Variants in VCL observed in about 807,000 individuals in gnomAD.
VCL encodes vinculin.
A neutral mutation model predicts 125.7 loss-of-function variants in VCL; 47 were observed. The ratio of observed to expected loss-of-function variants is 0.37; its 90% CI spans 0.30 to 0.48. VCL has a LOEUF of 0.48. Among genes scored for constraint, VCL ranks in the 20% least tolerant of loss-of-function variants. VCL has a pLI of 0.99. For synonymous variants in VCL, 458 were observed against 514.6 expected (o/e 0.89, Z 1.49); for missense variants, 1,069 against 1,455.5 (o/e 0.73, Z 4.32).
intron 1 of VCL, among the ~76,000 whole-genome samples, chr10:74,017,237 CG>C (rs1376548490): frequency 6.6e-6 from 1 of 150,832 alleles, no homozygotes; most frequent in Non-Finnish European, 1.5e-5. Context: ...TTAGTAGAGA[CG>C]GGGTTTCACC....
intron 1 of VCL, among the ~76,000 whole-genome samples, chr10:74,041,049 A>G (rs146343153): frequency 3.3e-5 from 5 of 152,180 alleles, no homozygotes; most frequent in South Asian, 2.1e-4. Context: ...AGGTCTCACT[A>G]TGTTGCCCAG....
At chr10:74,062,531 C>T (rs910445216) in intron 2 of VCL, among the ~76,000 whole-genome samples, 4 of 151,972 alleles carry the variant, frequency 2.6e-5, no homozygotes, top group Admixed American at 6.6e-5. Flanking sequence ...ATGTGGAGTA[C>T]AGTTATGACC....
intron 6 of VCL, chr10:74,077,647 A>G: frequency 2.3e-6 from 1 of 443,060 alleles, no homozygotes. Context: ...GCCCCTACCA[A>G]TAAATAATTA....
intron 19 of VCL, among the ~76,000 whole-genome samples, chr10:74,113,805 G>A (rs1412629518): frequency 6.6e-6 from 1 of 152,144 alleles, no homozygotes; most frequent in African/African-American, 2.4e-5. Flanking sequence ...CCTGTCCCCA[G>A]TTTATTGATA....
intron 15 of VCL, 126 bp downstream of exon 15, chr10:74,104,054 A>C: frequency 1.0e-6 from 1 of 962,782 alleles, no homozygotes; most frequent in Non-Finnish European, 1.6e-6. Flanking sequence ...TGAGCAGTGT[A>C]CTTGGCTCTG....
intron 8 of VCL, among the ~76,000 whole-genome samples, chr10:74,084,764 C>T (rs1342136444): frequency 1.3e-5 from 2 of 151,992 alleles, no homozygotes; most frequent in Non-Finnish European, 2.9e-5. Context: ...AGGAATGCGC[C>T]ACCATGCCCG....
chr10:74,000,688 C>T (rs759737449), intron 1 of VCL, among the ~76,000 whole-genome samples: 45 of 152,172 alleles, frequency 3.0e-4, no homozygotes, highest in Non-Finnish European at 6.0e-4. Context: ...GCTGAGATTA[C>T]AGGCATGTGC....
At chr10:74,030,992 T>C (rs546600232) in intron 1 of VCL, among the ~76,000 whole-genome samples, 1 of 152,334 alleles carries the variant, frequency 6.6e-6, no homozygotes, top group African/African-American at 2.4e-5. Flanking sequence ...TTGCAGCTCT[T>C]GGCCTAGATC....
Position 74,097,165 on chromosome 10 carries a change from T to G in VCL, c.1744-39T>G, listed in dbSNP as rs757068802. ...GGCATTAGTAGATATGCTTTGAGGA[T>G]GTATCTGGACATTTTCATATGTAAA... On this transcript the variant is annotated intron_variant, in intron 12 of 21. Coordinates refer to ENST00000211998, the MANE Select transcript of VCL (RefSeq NM_014000.3). The surrounding 1 kb of genome is among the most constrained non-coding windows in gnomAD (Gnocchi z 4.1). The G allele has an allele frequency of 6.2e-7, 1 of 1,609,416 alleles. No homozygotes were observed. Among genetic ancestry groups the G allele is most frequent in the East Asian group, 2.2e-5 (1 of 44,674 alleles).
chr10:74,095,748 G>A lies in VCL; in HGVS notation c.1636G>A (p.Asp546Asn), dbSNP rs1207840535. The A allele has an allele frequency of 6.2e-7, 1 of 1,614,198 alleles. No homozygotes were observed. ...TCGGCAAGATCTTCTCGCCAAGTGT[G>A]ACCGAGTGGACCAGCTGACAGCCCA... is the stretch of plus-strand genomic sequence containing the variant. The part of the protein sequence containing the change: ...PYRQDLLAKC[D>N]RVDQLTAQLA... The change falls in exon 12 of 22, where the codon GAC (aspartate) becomes AAC (asparagine). Residue 546 changes from aspartate (D) to asparagine (N), a missense_variant. Asp to Asn is a conservative substitution (Grantham distance 23, BLOSUM62 1). This residue lies in a region of VCL where 760 missense variants were observed against 928.9 expected (regional missense o/e 0.82). Transcript: ENST00000211998.
chr10:74,114,073 C>A, intron 19 of VCL, 111 bp from the exon 20 acceptor site: 1 of 1,273,896 alleles, frequency 7.8e-7, no homozygotes. Flanking sequence ...CTCACCCTTC[C>A]GGAGGGATGC....
chr10:74,044,636 TAGAAGATAAG>T (rs1841161066), intron 2 of VCL, among the ~76,000 whole-genome samples: 1 of 152,126 alleles, frequency 6.6e-6, no homozygotes, highest in South Asian at 2.1e-4. Flanking sequence ...ATCAGTAAAG[TAGAAGATAAG>T]CAGTTCCACT....
Position 74,100,967 on chromosome 10 carries a change from C to G in VCL, c.1892C>G (p.Ala631Gly), listed in dbSNP as rs1411040526. 1 of 1,613,998 alleles carries G rather than the reference C, an allele frequency of 6.2e-7. No homozygotes were observed. Among genetic ancestry groups the G allele is most frequent in the Non-Finnish European group, 8.5e-7 (1 of 1,179,944 alleles). Residue 631 changes from alanine to glycine, a missense_variant, in exon 14 of 22, where the codon GCT becomes GGT. By Grantham distance (60) the Ala-to-Gly change is moderately conservative. Around this residue, in one of 6 missense-constraint regions of VCL, gnomAD observed 760 missense variants for 928.9 expected, o/e 0.82. Transcript: ENST00000211998. ...NREEVFDERA[A>G]NFENHSGKLG... ...CTCAAGGTATTTGATGAGAGGGCAG[C>G]TAACTTTGAAAACCATTCAGGAAAG...
rs570221539 is a variant in VCL at position 74,068,544 on chromosome 10, C to T, written c.240-2126C>T. Among the ~76,000 whole-genome samples the T allele has an allele frequency of 6.6e-5, 10 of 152,248 alleles. No homozygotes were observed. The South Asian group carries it at 1.0e-3, about 16-fold the overall frequency. ...TTCACCATGTTGGCCAGGCTGATCTCGAAATCCTGACCTAAAGTAATCCAC... is the reference window on the plus strand; with the variant it reads ...TTCACCATGTTGGCCAGGCTGATCTTGAAATCCTGACCTAAAGTAATCCAC... On this transcript the variant is annotated intron_variant, in intron 2 of 21. Coordinates refer to ENST00000211998, the MANE Select transcript of VCL (RefSeq NM_014000.3).
intron 8 of VCL, 98 bp downstream of exon 8, chr10:74,083,611 T>C: frequency 6.9e-7 from 1 of 1,443,830 alleles, no homozygotes; most frequent in Non-Finnish European, 9.5e-7. Context: ...GTTATCTCTT[T>C]GGCTAGTAGA....
At chr10:74,076,038 T>G (rs1839579471) in intron 6 of VCL, 1 of 152,674 alleles carries the variant, frequency 6.5e-6, no homozygotes, top group South Asian at 2.1e-4. Context: ...GTTGACAACT[T>G]TCACTTCCCT....
intron 1 of VCL, among the ~76,000 whole-genome samples, chr10:74,038,771 C>T: frequency 6.6e-6 from 1 of 152,142 alleles, no homozygotes; most frequent in Non-Finnish European, 1.5e-5. Context: ...ATGCTATTTA[C>T]AAAACTGTTT....
intron 1 of VCL, among the ~76,000 whole-genome samples, chr10:74,037,004 G>A (rs534833284): frequency 1.2e-3 from 179 of 151,426 alleles, no homozygotes; most frequent in Middle Eastern, 0.01. Flanking sequence ...TCTGCCTCCC[G>A]GGTTCGCGCC....
Position 74,118,306 on chromosome 10 carries a change from C to A in VCL, c.*137C>A, listed in dbSNP as rs1281323568. ...TGGCACATCAGAAAGGAATGGGGGC[C>A]TCTTCAAATTAGAAGACATTTATAC... On this transcript the variant is annotated 3_prime_UTR_variant, in exon 22 of 22. Transcript: ENST00000211998. The A allele has an allele frequency of 1.3e-5, 13 of 1,025,060 alleles. No homozygotes were observed. Among genetic ancestry groups the A allele is most frequent in the Non-Finnish European group, 1.8e-5 (12 of 677,748 alleles). 63.5% of individuals were successfully genotyped at this position (1,025,060 alleles called of 1,614,324 possible). A position where few individuals can be genotyped will look rare whatever the true frequency, so the allele number is the denominator to read the frequency against.
Sources: gnomAD v4.1 joint callset for allele counts (sites outside exome capture counted in the v4.1 genomes callset) on GRCh38, gnomAD v4.1.1 for gene constraint, gnomAD v4.1.1 regional missense constraint, Gnocchi (gnomAD v3.1) non-coding constraint, MANE v1.5 for transcripts, NCBI Gene and HGNC (gene_info 2026-07-23, HGNC 2026-07-21) for gene names.